Variants in PRKN observed in about 807,000 individuals in gnomAD.
PRKN encodes the protein parkin RBR E3 ubiquitin protein ligase.
Under a neutral mutation model 59.5 loss-of-function variants are expected in PRKN, and 56 were observed. The ratio of observed to expected loss-of-function variants is 0.94; its 90% CI spans 0.76 to 1.18. PRKN has a LOEUF of 1.18. Among genes scored for constraint, PRKN ranks in the 50% most tolerant of loss-of-function variants. The probability of loss-of-function intolerance (pLI) is 0.00; values close to 1 mark genes in which losing one functional copy is unlikely to be tolerated. For synonymous variants in PRKN, 250 were observed against 222.1 expected, an observed-to-expected ratio of 1.13 and a Z score of -1.12; for missense variants, 657 against 596.4, an observed-to-expected ratio of 1.10 and a Z score of -1.06.
intron 6 of PRKN, among the ~76,000 whole-genome samples, chr6:161,830,743 G>A (rs550366196): frequency 7.9e-5 from 12 of 152,208 alleles, no homozygotes; most frequent in African/African-American, 2.9e-4. Flanking sequence ...GCTAACAAAT[G>A]CATTACCTCA....
At chr6:161,921,365 C>A (rs377604529) in intron 6 of PRKN, among the ~76,000 whole-genome samples, 2 of 152,164 alleles carry the variant, frequency 1.3e-5, no homozygotes. Context: ...GACTGCTTTA[C>A]CGTTAACTTA....
intron 4 of PRKN, among the ~76,000 whole-genome samples, chr6:162,119,400 C>G (rs1430728818): frequency 6.6e-6 from 1 of 152,204 alleles, no homozygotes; most frequent in East Asian, 1.9e-4. Context: ...CACCTCCAAA[C>G]TCTTCCACAC....
intron 10 of PRKN, among the ~76,000 whole-genome samples, chr6:161,380,118 T>C (rs942849975): frequency 6.6e-6 from 1 of 152,186 alleles, no homozygotes; most frequent in Non-Finnish European, 1.5e-5. Flanking sequence ...TCCACCTCCC[T>C]GAACGTGTCA....
At chr6:161,979,927 A>T (rs2128253955) in intron 5 of PRKN, among the ~76,000 whole-genome samples, 1 of 152,358 alleles carries the variant, frequency 6.6e-6, no homozygotes, top group East Asian at 1.9e-4. Flanking sequence ...AGAATGGAAT[A>T]AATAGCCCAG....
chr6:161,561,096 G>C lies in PRKN; in HGVS notation c.933+8259C>G, dbSNP rs1483065302. Among the ~76,000 whole-genome samples, 1 of 152,096 alleles carries C rather than the reference G, an allele frequency of 6.6e-6. No homozygotes were observed. The highest frequency in any genetic ancestry group is 1.5e-5 in the Non-Finnish European group (1 of 68,012). On this transcript the variant is annotated intron_variant, in intron 8 of 11. Coordinates refer to ENST00000366898, the MANE Select transcript of PRKN (RefSeq NM_004562.3). The surrounding 1 kb of genome is among the most constrained non-coding windows in gnomAD (Gnocchi z 5.0). Reference sequence around the variant, plus strand: ...TTGTATTGTGTTTCTCCAGTGACATGTTCTCTCTTCTTTCTTCCCCTCAAC... The same window carrying C: ...TTGTATTGTGTTTCTCCAGTGACATCTTCTCTCTTCTTTCTTCCCCTCAAC...
rs11312010 is a variant in PRKN, at chr6:161,767,516, C to CAA, written c.871+18254_871+18255dup. 3.0e-3 allele frequency among the ~76,000 whole-genome samples: 430 copies of CAA among 145,432 alleles called. 2 individuals are homozygous for CAA. The highest frequency in any genetic ancestry group is 0.012 in the East Asian group (59 of 4,860). On this transcript the variant is annotated intron_variant, in intron 7 of 11. Coordinates refer to ENST00000366898, the MANE Select transcript of PRKN (RefSeq NM_004562.3). ...TGGGCGACAGAGCAAAACTCCTTCT[C>CAA]AAAAAAAAAAAAACAAAAACCAATC...
intron 5 of PRKN, among the ~76,000 whole-genome samples, chr6:162,009,029 C>A (rs910150434): frequency 4.0e-5 from 6 of 151,436 alleles, no homozygotes; most frequent in African/African-American, 1.5e-4. Context: ...CTGAGGCGGG[C>A]GGATCACGAG....
At chr6:162,661,731 ATTC>A (rs1228582778) in intron 1 of PRKN, among the ~76,000 whole-genome samples, 1 of 152,238 alleles carries the variant, frequency 6.6e-6, no homozygotes, top group Non-Finnish European at 1.5e-5. Context: ...TATTTAACAT[ATTC>A]TTTAGTCCCT....
At chr6:162,031,529 TTTCTTTTTC>T (rs933861231) in intron 5 of PRKN, among the ~76,000 whole-genome samples, 15 of 135,056 alleles carry the variant, frequency 1.1e-4, no homozygotes, top group African/African-American at 4.5e-4. Flanking sequence ...TTCTTTTTCT[TTTCTTTTTC>T]TTTTTTTTTT....
rs572754996 is a variant in PRKN, at chr6:161,592,989, C to T, written c.872-23573G>A. Among the ~76,000 whole-genome samples, 74 of 152,116 alleles carry T rather than the reference C, an allele frequency of 4.9e-4. No homozygotes were observed. Among genetic ancestry groups the T allele is most frequent in the Non-Finnish European group, 8.4e-4 (57 of 68,004 alleles). On this transcript the variant is annotated intron_variant, in intron 7 of 11. Coordinates refer to ENST00000366898, the MANE Select transcript of PRKN (RefSeq NM_004562.3). The surrounding 1 kb of genome is among the most constrained non-coding windows in gnomAD (Gnocchi z 4.8). ...GTCATAGCCTTCATATTTTAGAAGGCATTCTACATTATAATAATGTGAGAT... is the reference window on the plus strand; with the variant it reads ...GTCATAGCCTTCATATTTTAGAAGGTATTCTACATTATAATAATGTGAGAT...
chr6:162,524,701 A>G (rs1207471570), intron 1 of PRKN, among the ~76,000 whole-genome samples: 1 of 152,234 alleles, frequency 6.6e-6, no homozygotes, highest in Non-Finnish European at 1.5e-5. Context: ...GGGCTAGCTT[A>G]GGAAGACTAA....
chr6:162,628,218 A>G (rs1378996634), intron 1 of PRKN, among the ~76,000 whole-genome samples: 1 of 152,328 alleles, frequency 6.6e-6, no homozygotes, highest in East Asian at 1.9e-4. Context: ...AAACAAGGAC[A>G]GTTGGTTGAG....
At chr6:162,065,599 C>A (rs1019027695) in intron 4 of PRKN, among the ~76,000 whole-genome samples, 16 of 148,650 alleles carry the variant, frequency 1.1e-4, no homozygotes, top group African/African-American at 4.0e-4. Flanking sequence ...ATGTTAAGTT[C>A]TAGGGTACAC....
chr6:162,311,521 C>T, intron 2 of PRKN, among the ~76,000 whole-genome samples: 1 of 130,070 alleles, frequency 7.7e-6, no homozygotes, highest in African/African-American at 3.0e-5. Flanking sequence ...CTCGCTCTGT[C>T]GCCCAGGCAG....
intron 3 of PRKN, among the ~76,000 whole-genome samples, chr6:162,223,516 C>A (rs564172304): frequency 4.6e-5 from 7 of 151,700 alleles, no homozygotes; most frequent in Admixed American, 3.9e-4. Context: ...ATGAAGAATT[C>A]TACAGGCTGG....
At chr6:162,257,129 TC>T (rs751927514) in intron 3 of PRKN, among the ~76,000 whole-genome samples, 12 of 152,100 alleles carry the variant, frequency 7.9e-5, no homozygotes, top group Non-Finnish European at 1.6e-4. Context: ...TGACACTCCT[TC>T]CCGCTCTATT....
intron 7 of PRKN, among the ~76,000 whole-genome samples, chr6:161,622,681 T>C (rs1301852996): frequency 6.6e-6 from 1 of 152,210 alleles, no homozygotes; most frequent in Admixed American, 6.5e-5. Flanking sequence ...TCTCCTGGGA[T>C]TGTATTAACT....
chr6:161,932,291 C>T (rs1418663725), intron 6 of PRKN, among the ~76,000 whole-genome samples: 1 of 152,014 alleles, frequency 6.6e-6, no homozygotes, highest in African/African-American at 2.4e-5. Flanking sequence ...AATATGCTTC[C>T]TCCCACATAA....
chr6:161,753,522 AG>A (rs1452239294), intron 7 of PRKN, among the ~76,000 whole-genome samples: 2 of 152,192 alleles, frequency 1.3e-5, no homozygotes, highest in Non-Finnish European at 2.9e-5. Context: ...AATTCTGCGG[AG>A]GGGGATAAGA....
Sources: allele counts gnomAD v4.1 joint callset (sites outside exome capture counted in the v4.1 genomes callset), GRCh38; gene constraint gnomAD v4.1.1; non-coding constraint Gnocchi (gnomAD v3.1); transcripts MANE v1.5; gene names NCBI Gene and HGNC (gene_info 2026-07-23, HGNC 2026-07-21).